The following SERPINE2 variants were observed in gnomAD, a reference collection of about 807,000 sequenced individuals.
SERPINE2 encodes the protein glia-derived nexin.
Under a neutral mutation model 36.3 loss-of-function variants are expected in SERPINE2, and 14 were observed. That is an observed-to-expected ratio of 0.39 (90% CI 0.25 to 0.60). The LOEUF (loss-of-function observed/expected upper bound fraction) is 0.60. Ranked by LOEUF, SERPINE2 falls within the 20% of genes least tolerant of loss-of-function variation. The pLI, the probability that SERPINE2 is intolerant of heterozygous loss-of-function variation, is 0.57. For missense variants in SERPINE2, 418 were observed against 499.6 expected, an observed-to-expected ratio of 0.84 and a Z score of 1.56; for synonymous variants, 192 against 191.8, an observed-to-expected ratio of 1.00 and a Z score of -0.01.
In SERPINE2 at chr2:223,993,699, A is replaced by G. The variant is rs574082519; in HGVS notation, c.488-1699T>C. Among the ~76,000 whole-genome samples the G allele has an allele frequency of 5.3e-4, 81 of 152,318 alleles. No homozygotes were observed. In the South Asian group the frequency reaches 0.016, roughly 30 times the overall value. ...ATTAAGTCCTTTTAAATGAAACTCA[A>G]GAGGATTCTGATGTACAGTAAACAA... On this transcript the variant is annotated intron_variant, in intron 3 of 8. Transcript: ENST00000409304.
At chr2:224,010,991 G>A (rs1691606391) in intron 1 of SERPINE2, among the ~76,000 whole-genome samples, 1 of 152,140 alleles carries the variant, frequency 6.6e-6, no homozygotes. Flanking sequence ...CAATGCTGGT[G>A]CGTTTTGCCG....
chr2:224,013,872 G>C (rs753516074), intron 1 of SERPINE2: 6 of 152,248 alleles, frequency 3.9e-5, no homozygotes, highest in Admixed American at 3.3e-4. Flanking sequence ...AGTGCTTGTT[G>C]CAGGAGGTTC....
At chr2:224,028,053 C>T (rs1297493209) in intron 1 of SERPINE2, among the ~76,000 whole-genome samples, 5 of 152,250 alleles carry the variant, frequency 3.3e-5, no homozygotes, top group South Asian at 4.2e-4. Context: ...ACTCTAGGAT[C>T]GGGTTGTAAG....
At chr2:224,034,759 G>A (rs1692481084) in intron 1 of SERPINE2, among the ~76,000 whole-genome samples, 1 of 152,134 alleles carries the variant, frequency 6.6e-6, no homozygotes, top group South Asian at 2.1e-4. Context: ...TGCTGTTTGG[G>A]ATATAGAATC....
In SERPINE2 at chr2:223,975,855, T is replaced by C. The variant is rs113366352; in HGVS notation, c.*12A>G. The C allele has an allele frequency of 1.5e-3, 2,336 of 1,576,052 alleles. 26 individuals carry two copies. In the African/African-American group the frequency reaches 0.028, roughly 19 times the overall value. Reference sequence around the variant, plus strand: ...GTAGTCGTTGCTTTGCATGGTTTCTTTTGTATACTCTTCAGGGTTTGTTTA... The same window carrying C: ...GTAGTCGTTGCTTTGCATGGTTTCTCTTGTATACTCTTCAGGGTTTGTTTA... On this transcript the variant is annotated 3_prime_UTR_variant, in exon 9 of 9. Transcript: ENST00000409304.
chr2:224,011,336 A>T (rs1691617822), intron 1 of SERPINE2, among the ~76,000 whole-genome samples: 1 of 152,222 alleles, frequency 6.6e-6, no homozygotes, highest in Non-Finnish European at 1.5e-5. Flanking sequence ...CCTTTTTTAG[A>T]CATAAAAAAT....
chr2:223,977,884 T>C (rs956258360), intron 7 of SERPINE2: 4 of 413,314 alleles, frequency 9.7e-6, no homozygotes, highest in East Asian at 4.2e-5. Context: ...TTACTCCTCA[T>C]AGAGTTTTGA....
At chr2:224,018,962 A>G (rs1691893028) in intron 1 of SERPINE2, among the ~76,000 whole-genome samples, 1 of 152,156 alleles carries the variant, frequency 6.6e-6, no homozygotes, top group South Asian at 2.1e-4. Context: ...CTAAAATCTG[A>G]GTCAATCCCT....
At chr2:224,024,216 G>A (rs1466799633) in intron 1 of SERPINE2, among the ~76,000 whole-genome samples, 2 of 152,160 alleles carry the variant, frequency 1.3e-5, no homozygotes, top group East Asian at 1.9e-4. Context: ...AACTCTTTGC[G>A]CCTTTTGCTT....
At chr2:223,980,656 A>T (rs1271607634) in intron 6 of SERPINE2, 2 of 355,416 alleles carry the variant, frequency 5.6e-6, no homozygotes, top group Non-Finnish European at 1.0e-5. Context: ...CTATCAATTC[A>T]ATTCTGATCA....
At chr2:224,011,834 CAATA>C (rs1691632595) in intron 1 of SERPINE2, among the ~76,000 whole-genome samples, 1 of 152,156 alleles carries the variant, frequency 6.6e-6, no homozygotes, top group African/African-American at 2.4e-5. Context: ...ATATTCTCTG[CAATA>C]AATAATTGCA....
At chr2:224,005,907 T>C (rs911471076) in intron 1 of SERPINE2, among the ~76,000 whole-genome samples, 2 of 152,212 alleles carry the variant, frequency 1.3e-5, no homozygotes, top group African/African-American at 4.8e-5. Flanking sequence ...CACAGGCATA[T>C]CCTTCCAAAT....
chr2:224,027,829 A>G (rs961664348), intron 1 of SERPINE2, among the ~76,000 whole-genome samples: 2 of 152,212 alleles, frequency 1.3e-5, no homozygotes, highest in African/African-American at 4.8e-5. Context: ...CACCTCTTAC[A>G]GAGTAAGTGC....
At chr2:224,003,079 G>C (rs1691250533) in intron 1 of SERPINE2, among the ~76,000 whole-genome samples, 1 of 152,156 alleles carries the variant, frequency 6.6e-6, no homozygotes, top group Admixed American at 6.5e-5. Context: ...GGGTGATCAG[G>C]GAGCCATCTC....
intron 1 of SERPINE2, among the ~76,000 whole-genome samples, chr2:224,017,029 G>A (rs1408607565): frequency 6.6e-6 from 1 of 152,192 alleles, no homozygotes; most frequent in African/African-American, 2.4e-5. Flanking sequence ...TCCCTGTGGT[G>A]GAAATGTCCT....
At chr2:223,999,248 C>T (rs1691010448) in intron 2 of SERPINE2, among the ~76,000 whole-genome samples, 1 of 152,174 alleles carries the variant, frequency 6.6e-6, no homozygotes, top group East Asian at 1.9e-4. Context: ...CTTTATTTTA[C>T]ATGAGCCATT....
rs1042079590 is a variant in SERPINE2, at chr2:224,015,703, C to T, written c.-22-13781G>A. Among the ~76,000 whole-genome samples, 11 of 152,196 alleles carry T rather than the reference C, an allele frequency of 7.2e-5. No individual in the cohort carries two copies. In the East Asian group the frequency reaches 1.7e-3, roughly 24 times the overall value. On this transcript the variant is annotated intron_variant, in intron 1 of 8. Transcript: ENST00000409304. ...CTCTCTTTCTCACCACCCGGCACTG[C>T]GCATGACAACAGGCAGGAATCAAAA...
chr2:224,022,102 T>C (rs1479481649), intron 1 of SERPINE2, among the ~76,000 whole-genome samples: 3 of 138,224 alleles, frequency 2.2e-5, no homozygotes, highest in African/African-American at 8.1e-5. Context: ...GAGCTTGCAG[T>C]GAGCTGAGAT....
chr2:224,002,658 A>ATT (rs11418943), intron 1 of SERPINE2, among the ~76,000 whole-genome samples: 48,986 of 116,354 alleles, frequency 0.42, 12,108 homozygotes, highest in South Asian at 0.56. Context: ...TCGTCTGGCA[A>ATT]TTTTTTTTTT....
Sources: gnomAD v4.1 joint callset for allele counts (sites outside exome capture counted in the v4.1 genomes callset) on GRCh38, gnomAD v4.1.1 for gene constraint, MANE v1.5 for transcripts, NCBI Gene and HGNC (gene_info 2026-07-23, HGNC 2026-07-21) for gene names.